Variants in EVI5 observed in about 807,000 individuals in gnomAD.
EVI5 encodes ecotropic viral integration site 5 protein homolog.
In EVI5, 73 loss-of-function variants were observed where a neutral mutation model predicts 112.0. That is an observed-to-expected ratio of 0.65 (90% CI 0.54 to 0.79). The LOEUF is 0.79. Among genes scored for constraint, EVI5 ranks in the 30% least tolerant of loss-of-function variants. The pLI is 0.00. For synonymous variants in EVI5, 305 were observed against 319.9 expected, an observed-to-expected ratio of 0.95 and a Z score of 0.50; for missense variants, 900 against 968.8, an observed-to-expected ratio of 0.93 and a Z score of 0.94.
intron 9 of EVI5, among the ~76,000 whole-genome samples, chr1:92,679,176 T>G (rs1356603183): frequency 6.6e-6 from 1 of 152,144 alleles, no homozygotes. Context: ...TGCGGGCTCC[T>G]TATGAGAATC....
At chr1:92,764,358 G>A (rs866469706) in intron 1 of EVI5, among the ~76,000 whole-genome samples, 11 of 152,172 alleles carry the variant, frequency 7.2e-5, no homozygotes, top group African/African-American at 2.7e-4. Flanking sequence ...CTCAGTTTTA[G>A]CATTTTCAAT....
chr1:92,743,756 G>A (rs1678813681), intron 1 of EVI5, among the ~76,000 whole-genome samples: 1 of 152,020 alleles, frequency 6.6e-6, no homozygotes, highest in Non-Finnish European at 1.5e-5. Context: ...TTTTGTTCTT[G>A]TTACCCTGGC....
At chr1:92,631,222 C>T (rs892261456) in intron 14 of EVI5, among the ~76,000 whole-genome samples, 5 of 152,088 alleles carry the variant, frequency 3.3e-5, no homozygotes, top group African/African-American at 1.2e-4. Context: ...TGAAGAAAGT[C>T]ATTGGTAGCT....
intron 10 of EVI5, among the ~76,000 whole-genome samples, chr1:92,674,006 A>G (rs1465251314): frequency 6.6e-6 from 1 of 152,160 alleles, no homozygotes; most frequent in Non-Finnish European, 1.5e-5. Flanking sequence ...GATCATACCA[A>G]TGGGCTGTAA....
In EVI5 at chr1:92,522,588, G is replaced by A. The variant is rs374157875; in HGVS notation, c.2167-8618C>T. On this transcript the variant is annotated intron_variant, in intron 19 of 19. Transcript: ENST00000684568. ...GCGGGGGTTCACTAGCCGAGATCAC[G>A]CCACAGCACTCCAGCCTGGGTGACA... 1.2e-3 allele frequency among the ~76,000 whole-genome samples: 141 copies of A among 116,880 alleles called. 1 individual carries two copies. The South Asian group carries it at 0.037, about 30-fold the overall frequency. 76.7% of individuals were successfully genotyped at this position (116,880 alleles called of 152,430 possible).
At chr1:92,550,769 AAAAAAAAAAAAAATATATATATAT>A (rs1666691624) in intron 19 of EVI5, among the ~76,000 whole-genome samples, 1 of 59,076 alleles carries the variant, frequency 1.7e-5, no homozygotes, top group Non-Finnish European at 3.0e-5. Flanking sequence ...AAAAAAAAAA[AAAAAAAAAAAAAATATATATATAT>A]ATATATATAT....
rs549899163 is a variant in EVI5, at chr1:92,542,126, T to G, written c.2166+21516A>C. ...GATAGCATTTTACTCACAGTAGAACTTCTTTCAAAATTGGAGTAAATGCTC... is the reference window on the plus strand; with the variant it reads ...GATAGCATTTTACTCACAGTAGAACGTCTTTCAAAATTGGAGTAAATGCTC... On this transcript the variant is annotated intron_variant, in intron 19 of 19. Transcript: ENST00000684568. Among the ~76,000 whole-genome samples the G allele has an allele frequency of 4.6e-5, 7 of 152,366 alleles. No individual in the cohort carries two copies. The South Asian group carries it at 8.3e-4, about 18-fold the overall frequency.
chr1:92,635,370 C>G (rs549278336), intron 14 of EVI5, among the ~76,000 whole-genome samples: 3 of 152,172 alleles, frequency 2.0e-5, no homozygotes, highest in East Asian at 1.9e-4. Context: ...ACTCAAGCCT[C>G]GGCAATGGCA....
rs1557686631 is a variant in EVI5 at position 92,513,542 on chromosome 1, T to TGAA, written c.*113_*114insTTC. 9 of 14,018 alleles carry TGAA rather than the reference T, an allele frequency of 6.4e-4. No individual in the cohort carries two copies. Among genetic ancestry groups the TGAA allele is most frequent in the Admixed American group, 8.2e-4 (1 of 1,220 alleles). 0.9% of individuals were successfully genotyped at this position (14,018 alleles called of 1,614,324 possible). A position where few individuals can be genotyped will look rare whatever the true frequency, so the allele number is the denominator to read the frequency against. ...ATATATATATATATATATATATATA[T>TGAA]ATATATATATATATATATATATATG... On this transcript the variant is annotated 3_prime_UTR_variant, in exon 20 of 20. Transcript: ENST00000684568.
intron 19 of EVI5, among the ~76,000 whole-genome samples, chr1:92,546,973 GA>G (rs1465279841): frequency 6.6e-6 from 1 of 152,138 alleles, no homozygotes; most frequent in East Asian, 1.9e-4. Flanking sequence ...TCCAGGAATT[GA>G]ACTCAGCTCT....
At chr1:92,675,854 G>C (rs1332749402) in intron 10 of EVI5, among the ~76,000 whole-genome samples, 1 of 151,570 alleles carries the variant, frequency 6.6e-6, no homozygotes, top group Admixed American at 6.6e-5. Flanking sequence ...TACTTGGGAA[G>C]CTGAGGCAGG....
At chr1:92,565,965 A>G (rs894864391) in intron 18 of EVI5, among the ~76,000 whole-genome samples, 1 of 149,862 alleles carries the variant, frequency 6.7e-6, no homozygotes, top group South Asian at 2.2e-4. Flanking sequence ...AAAAAAAAAA[A>G]AAAGAAATGT....
At chr1:92,571,682 T>C (rs924597567) in intron 18 of EVI5, among the ~76,000 whole-genome samples, 8 of 152,176 alleles carry the variant, frequency 5.3e-5, no homozygotes, top group Non-Finnish European at 8.8e-5. Flanking sequence ...TTCATTCAAT[T>C]ATCTAATGTT....
intron 13 of EVI5, among the ~76,000 whole-genome samples, chr1:92,641,521 A>G (rs957912293): frequency 6.6e-6 from 1 of 152,200 alleles, no homozygotes; most frequent in African/African-American, 2.4e-5. Flanking sequence ...ATCTTGAACC[A>G]CTTTCCCAAA....
intron 2 of EVI5, among the ~76,000 whole-genome samples, chr1:92,726,700 T>C (rs1224804488): frequency 6.6e-6 from 1 of 152,166 alleles, no homozygotes; most frequent in Non-Finnish European, 1.5e-5. Context: ...TTAAAGATAA[T>C]TGACTGTTGA....
rs55898086 is a variant in EVI5, at chr1:92,551,040, C to CTTTTTT, written c.2166+12596_2166+12601dup. ...TCTTTTTTCTTTTCTTTCTTTCTTT[C>CTTTTTT]TTTTTTTTTTTTTTTTTTTTGAGAC... On this transcript the variant is annotated intron_variant, in intron 19 of 19. Coordinates refer to ENST00000684568, the MANE Select transcript of EVI5 (RefSeq NM_001350197.2). Among the ~76,000 whole-genome samples the CTTTTTT allele has an allele frequency of 2.0e-3, 159 of 80,716 alleles. 9 individuals are homozygous for CTTTTTT. The highest frequency in any genetic ancestry group is 7.9e-3 in the East Asian group (17 of 2,164). 53.0% of individuals were successfully genotyped at this position (80,716 alleles called of 152,430 possible).
intron 14 of EVI5, among the ~76,000 whole-genome samples, chr1:92,630,580 A>G (rs956375662): frequency 1.0e-4 from 15 of 147,240 alleles, no homozygotes; most frequent in Admixed American, 2.8e-4. Context: ...CCTTCGTCAG[A>G]TAAGTAGATT....
chr1:92,600,329 G>A (rs1648854590), intron 18 of EVI5, among the ~76,000 whole-genome samples: 1 of 152,124 alleles, frequency 6.6e-6, no homozygotes, highest in South Asian at 2.1e-4. Context: ...GACTTCTTGA[G>A]TACAGGCAAT....
chr1:92,733,618 C>T (rs776080929), intron 2 of EVI5, among the ~76,000 whole-genome samples: 6 of 151,546 alleles, frequency 4.0e-5, no homozygotes, highest in Non-Finnish European at 8.8e-5. Context: ...CACCATGTTG[C>T]CCAAGGTGGT....
Sources: gnomAD v4.1 joint callset for allele counts (sites outside exome capture counted in the v4.1 genomes callset) on GRCh38, gnomAD v4.1.1 for gene constraint, MANE v1.5 for transcripts, NCBI Gene and HGNC (gene_info 2026-07-23, HGNC 2026-07-21) for gene names.